The following TENM3 variants were observed in gnomAD, a reference collection of about 807,000 sequenced individuals.
The protein encoded by TENM3 is teneurin transmembrane protein 3.
Under a neutral mutation model 255.1 loss-of-function variants are expected in TENM3, and 63 were observed. The ratio of observed to expected loss-of-function variants is 0.25; its 90% CI spans 0.20 to 0.30. The LOEUF is 0.30. TENM3 is among the 10% of genes least tolerant of loss of function. TENM3 has a pLI of 1.00. For missense variants in TENM3, 2,929 were observed against 3,461.1 expected (o/e 0.85, Z 3.86); for synonymous variants, 1,306 against 1,322.3 (o/e 0.99, Z 0.27).
chr4:181,494,212 G>A, the TENM3 span, among the ~76,000 whole-genome samples: 1 of 152,184 alleles, frequency 6.6e-6, no homozygotes, highest in Non-Finnish European at 1.5e-5. Flanking sequence ...AGTGGTCCAT[G>A]AATTTTGTTC....
At chr4:181,747,768 A>G in the TENM3 span, among the ~76,000 whole-genome samples, 15 of 152,034 alleles carry the variant, frequency 9.9e-5, no homozygotes, top group African/African-American at 3.6e-4. Flanking sequence ...ATGTTCTAGA[A>G]TTTTTATGAT....
At chr4:181,813,866 A>G in the TENM3 span, among the ~76,000 whole-genome samples, 1 of 152,306 alleles carries the variant, frequency 6.6e-6, no homozygotes, top group African/African-American at 2.4e-5. Flanking sequence ...ATGTGTCTGA[A>G]TAAGTGTTGG....
the TENM3 span, among the ~76,000 whole-genome samples, chr4:182,066,707 G>A: frequency 5.1e-3 from 778 of 151,484 alleles, 35 homozygotes; most frequent in East Asian, 0.11. Context: ...TCAGGAGATC[G>A]AGACCGTCCT....
chr4:182,420,624 G>A (rs765114932), intron 3 of TENM3, among the ~76,000 whole-genome samples: 1 of 152,160 alleles, frequency 6.6e-6, no homozygotes, highest in African/African-American at 2.4e-5. Flanking sequence ...TAGGCTCAGG[G>A]CCACTAAGGG....
the TENM3 span, among the ~76,000 whole-genome samples, chr4:182,115,258 A>T: frequency 6.6e-6 from 1 of 152,190 alleles, no homozygotes; most frequent in African/African-American, 2.4e-5. Context: ...ATATTTGGAA[A>T]ATTCAAGAAA....
intron 1 of TENM3, among the ~76,000 whole-genome samples, chr4:182,246,791 G>T (rs776130341): frequency 1.3e-5 from 2 of 152,188 alleles, no homozygotes; most frequent in African/African-American, 4.8e-5. Flanking sequence ...TATTGCAGAC[G>T]ACAGCAGTGC....
At chr4:181,811,135 T>C in the TENM3 span, among the ~76,000 whole-genome samples, 1 of 152,170 alleles carries the variant, frequency 6.6e-6, no homozygotes, top group Non-Finnish European at 1.5e-5. Flanking sequence ...GTCCTTCCTA[T>C]AAGCATATGA....
intron 4 of TENM3, among the ~76,000 whole-genome samples, chr4:182,614,166 A>T (rs962070347): frequency 2.0e-5 from 3 of 152,212 alleles, no homozygotes; most frequent in East Asian, 1.9e-4. Flanking sequence ...GTTTATTTTT[A>T]AAATGCATAC....
chr4:182,599,695 T>A (rs1253644207), intron 3 of TENM3, among the ~76,000 whole-genome samples: 1 of 152,194 alleles, frequency 6.6e-6, no homozygotes, highest in Non-Finnish European at 1.5e-5. Context: ...AACTGTGCTA[T>A]TTGGCTTAAC....
intron 3 of TENM3, among the ~76,000 whole-genome samples, chr4:182,518,110 T>TCTA (rs1738192669): frequency 6.6e-6 from 1 of 152,098 alleles, no homozygotes. Flanking sequence ...TTCATAGGAG[T>TCTA]CTACTGTGTT....
chr4:182,132,315 TA>T, the TENM3 span, among the ~76,000 whole-genome samples: 17 of 150,892 alleles, frequency 1.1e-4, no homozygotes, highest in African/African-American at 3.4e-4. Flanking sequence ...CCGTCTCTAC[TA>T]AAAAAAAACC....
chr4:182,732,671 C>T (rs1235638942), intron 16 of TENM3, among the ~76,000 whole-genome samples: 2 of 152,018 alleles, frequency 1.3e-5, no homozygotes, highest in African/African-American at 4.8e-5. Context: ...ACAAAATATA[C>T]AAAAAATTAG....
chr4:182,366,007 A>G (rs1217696024), intron 3 of TENM3, among the ~76,000 whole-genome samples: 1 of 152,192 alleles, frequency 6.6e-6, no homozygotes, highest in Admixed American at 6.5e-5. Context: ...CTACTGTCAT[A>G]TATGTGGTTC....
At chr4:181,458,359 C>T in the TENM3 span, among the ~76,000 whole-genome samples, 1 of 151,278 alleles carries the variant, frequency 6.6e-6, no homozygotes, top group East Asian at 2.0e-4. Flanking sequence ...TCACAATTTG[C>T]ATTTTAACCT....
chr4:182,744,116 T>TTTTAA, intron 19 of TENM3: 188 of 776,464 alleles, frequency 2.4e-4, no homozygotes, highest in Non-Finnish European at 2.7e-4. Flanking sequence ...TTTTTTTTTT[T>TTTTAA]ACCTTTTTTT....
At chr4:182,017,207 C>T in the TENM3 span, among the ~76,000 whole-genome samples, 3 of 152,254 alleles carry the variant, frequency 2.0e-5, no homozygotes, top group Non-Finnish European at 4.4e-5. Flanking sequence ...CCACACCCTG[C>T]CCTCCTGGCC....
chr4:181,794,185 A>G, the TENM3 span, among the ~76,000 whole-genome samples: 10 of 140,922 alleles, frequency 7.1e-5, no homozygotes, highest in Non-Finnish European at 1.3e-4. Flanking sequence ...TTTATGGTGT[A>G]CAATATATAT....
In TENM3 at chr4:182,161,959, G is replaced by GTA. The variant is rs766414090; in HGVS notation, c.-76+17241_-76+17242dup. On this transcript the variant is annotated intron_variant, in intron 1 of 2. Coordinates refer to the TENM3 transcript ENST00000512480. Reference sequence around the variant, plus strand: ...CATATATATATTTGTGTGTGTGTGTGTATATATATATATATATATATATAT... The same window carrying GTA: ...CATATATATATTTGTGTGTGTGTGTGTATATATATATATATATATATATATAT... 2.6e-3 allele frequency among the ~76,000 whole-genome samples: 42 copies of GTA among 16,232 alleles called. 1 individual carries two copies. The highest frequency in any genetic ancestry group is 9.8e-3 in the East Asian group (7 of 712). The allele number at this position is 16,232 out of a possible 152,430, so 10.6% of individuals were successfully genotyped here.
At chr4:182,794,502 C>G (rs558987069) in intron 26 of TENM3, among the ~76,000 whole-genome samples, 1 of 152,146 alleles carries the variant, frequency 6.6e-6, no homozygotes, top group African/African-American at 2.4e-5. Flanking sequence ...AGGACAGTCA[C>G]GAAGCCATTT....
Sources: allele counts gnomAD v4.1 joint callset (sites outside exome capture counted in the v4.1 genomes callset), GRCh38; gene constraint gnomAD v4.1.1; transcripts MANE v1.5; gene names NCBI Gene and HGNC (gene_info 2026-07-23, HGNC 2026-07-21).